LAMA2: variants seen among roughly 807,000 people sequenced by gnomAD.
LAMA2 encodes laminin subunit alpha 2.
In LAMA2, 269 loss-of-function variants were observed where a neutral mutation model predicts 364.8. That is an observed-to-expected ratio of 0.74 (90% CI 0.67 to 0.82). The LOEUF (loss-of-function observed/expected upper bound fraction) is 0.82. Ranked by LOEUF, LAMA2 falls within the 40% of genes least tolerant of loss-of-function variation. The pLI is 0.00. For missense variants in LAMA2, 3,807 were observed against 3,873.2 expected (o/e 0.98, Z 0.45); for synonymous variants, 1,379 against 1,370.6 (o/e 1.01, Z -0.14).
intron 56 of LAMA2, 111 bp downstream of exon 56, chr6:129,486,733 A>G (rs1301775609): frequency 2.1e-6 from 2 of 974,066 alleles, no homozygotes; most frequent in East Asian, 4.9e-5. Flanking sequence ...CCTACTATGC[A>G]TTGCAAAAGG....
At chr6:128,947,459 A>G (rs1780549459) in intron 1 of LAMA2, among the ~76,000 whole-genome samples, 1 of 152,174 alleles carries the variant, frequency 6.6e-6, no homozygotes, top group African/African-American at 2.4e-5. Context: ...CACATTTTTA[A>G]CTTGTATATT....
In LAMA2 at chr6:129,013,343, A is replaced by G. The variant is rs1582871670; in HGVS notation, c.113-36575A>G. Among the ~76,000 whole-genome samples, 3 of 152,044 alleles carry G rather than the reference A, an allele frequency of 2.0e-5. No homozygotes were observed. The East Asian group carries it at 5.8e-4, about 29-fold the overall frequency. ...TCCCAGCTACTCGGGAGGCTGAGGC[A>G]GGAGAATGGCGGGAACCCGGGAGGC... On this transcript the variant is annotated intron_variant, in intron 1 of 64. Coordinates refer to ENST00000421865, the MANE Select transcript of LAMA2 (RefSeq NM_000426.4).
intron 4 of LAMA2, among the ~76,000 whole-genome samples, chr6:129,103,214 C>T (rs1775615249): frequency 1.3e-5 from 2 of 152,178 alleles, no homozygotes; most frequent in African/African-American, 4.8e-5. Context: ...TCCAGTTTGT[C>T]TAGTTGTTGT....
chr6:129,342,396 C>G lies in LAMA2; in HGVS notation c.4365C>G (p.Tyr1455Ter). ...TCTGTGAACGATGTGCTCTTGGATA[C>G]TATGGAATTGTCAAGGGATTGCCAA... ...GDFCERCALG[Y>*]YGIVKGLPND... Residue 1455 changes from tyrosine to a stop codon, truncating the protein, a stop_gained, in exon 30 of 65, where the codon TAC becomes TAG. Coordinates refer to ENST00000421865, the MANE Select transcript of LAMA2 (RefSeq NM_000426.4). LOFTEE classifies it high-confidence loss of function. 3.1e-6 allele frequency: 5 copies of G among 1,613,310 alleles called. No homozygotes were observed. The highest frequency in any genetic ancestry group is 4.2e-6 in the Non-Finnish European group (5 of 1,179,332).
chr6:129,058,058 A>T (rs3813368), intron 2 of LAMA2, among the ~76,000 whole-genome samples: 39,834 of 152,058 alleles, frequency 0.26, 5,369 homozygotes, highest in African/African-American at 0.31. Context: ...AAATGTGCCG[A>T]CTTTCTAGTG....
intron 1 of LAMA2, among the ~76,000 whole-genome samples, chr6:129,018,200 T>C (rs1208364860): frequency 6.6e-6 from 1 of 152,030 alleles, no homozygotes; most frequent in East Asian, 1.9e-4. Flanking sequence ...ACTGTCTTTT[T>C]AGGAAACAAA....
At chr6:129,415,888 A>G (rs1007857989) in intron 40 of LAMA2, among the ~76,000 whole-genome samples, 1 of 152,070 alleles carries the variant, frequency 6.6e-6, no homozygotes, top group Non-Finnish European at 1.5e-5. Context: ...TGGCTAGGAA[A>G]GAGTGCCAAC....
chr6:129,416,011 G>C (rs1239004236), intron 40 of LAMA2, among the ~76,000 whole-genome samples: 2 of 37,698 alleles, frequency 5.3e-5, no homozygotes, highest in Non-Finnish European at 9.8e-5. Context: ...TGCAGTGGCG[G>C]GATCTCGGCT....
intron 12 of LAMA2, among the ~76,000 whole-genome samples, chr6:129,225,125 G>A (rs907695551): frequency 6.6e-6 from 1 of 152,160 alleles, no homozygotes; most frequent in African/African-American, 2.4e-5. Flanking sequence ...TTGCATAGAG[G>A]TGTTTATAGT....
intron 9 of LAMA2, 51 bp downstream of exon 9, chr6:129,165,726 C>G (rs756483380): frequency 1.1e-5 from 12 of 1,045,000 alleles, no homozygotes; most frequent in Non-Finnish European, 1.8e-5. Context: ...CAACTAAAAG[C>G]CAAATATGAT....
At position 129,427,989 on chromosome 6, in the gene LAMA2, TA is replaced by T. The variant is rs1781408671; in HGVS notation, c.5968+138del. 4 of 692,516 alleles carry T rather than the reference TA, an allele frequency of 5.8e-6. No individual in the cohort carries two copies. In the South Asian group the frequency reaches 6.5e-5, roughly 11 times the overall value. 42.9% of individuals were successfully genotyped at this position (692,516 alleles called of 1,614,324 possible). A position where few individuals can be genotyped will look rare whatever the true frequency, so the allele number is the denominator to read the frequency against. On this transcript the variant is annotated intron_variant, in intron 41 of 64. Coordinates refer to ENST00000421865, the MANE Select transcript of LAMA2 (RefSeq NM_000426.4). Reference sequence around the variant, plus strand: ...GATTCTATAATCTATTTAATGCAAGTAAACTTTCTCACTAGTTTTACAAAAT... The same window carrying T: ...GATTCTATAATCTATTTAATGCAAGTAACTTTCTCACTAGTTTTACAAAAT...
At chr6:129,038,341 CTG>C (rs1786814389) in intron 1 of LAMA2, among the ~76,000 whole-genome samples, 1 of 152,182 alleles carries the variant, frequency 6.6e-6, no homozygotes, top group East Asian at 1.9e-4. Flanking sequence ...TATCTTCACT[CTG>C]TGTGTGAGTC....
chr6:128,988,893 G>A (rs1177818302), intron 1 of LAMA2, among the ~76,000 whole-genome samples: 1 of 152,116 alleles, frequency 6.6e-6, no homozygotes, highest in East Asian at 1.9e-4. Flanking sequence ...TTCCTGGAAA[G>A]TTAAATGGAA....
At chr6:129,045,652 G>C (rs1302387911) in intron 1 of LAMA2, among the ~76,000 whole-genome samples, 1 of 152,150 alleles carries the variant, frequency 6.6e-6, no homozygotes, top group African/African-American at 2.4e-5. Flanking sequence ...CTTTGTAGCT[G>C]TATGCTTTTG....
intron 4 of LAMA2, among the ~76,000 whole-genome samples, chr6:129,121,268 A>G (rs1437618944): frequency 2.0e-5 from 3 of 152,188 alleles, no homozygotes; most frequent in Admixed American, 1.3e-4. Context: ...TAGACTTTCT[A>G]AATTGGGAGA....
At position 129,287,901 on chromosome 6, in the gene LAMA2, A is replaced by G. The variant is rs1789391002; in HGVS notation, c.2592A>G (p.Pro864=). 12 of 1,613,988 alleles carry G rather than the reference A, an allele frequency of 7.4e-6. No homozygotes were observed. Among genetic ancestry groups the G allele is most frequent in the Admixed American group, 1.7e-5 (1 of 60,004 alleles). Residue 864 remains proline (P), a synonymous_variant, in exon 19 of 65, where the codon CCA becomes CCG. Transcript: ENST00000421865. The part of the protein sequence containing the change: ...QPSVPGGSCQ[P]CQCNDNLDFS... ...CTGTACCTGGAGGATCATGTCAGCC[A>G]TGCCAATGCAATGACAACCTTGACT...
intron 1 of LAMA2, among the ~76,000 whole-genome samples, chr6:128,948,146 T>C (rs960940805): frequency 7.9e-5 from 12 of 151,820 alleles, no homozygotes; most frequent in Admixed American, 5.9e-4. Flanking sequence ...ATAGGGGTGG[T>C]CTTGGGGAGG....
At chr6:129,302,797 C>T (rs1773627343) in intron 22 of LAMA2, among the ~76,000 whole-genome samples, 1 of 151,964 alleles carries the variant, frequency 6.6e-6, no homozygotes, top group Non-Finnish European at 1.5e-5. Flanking sequence ...CATTTCTGGA[C>T]TCTTTTCTGC....
Position 129,289,738 on chromosome 6 carries a change from G to T in LAMA2, c.2749+1680G>T, listed in dbSNP as rs577665023. Among the ~76,000 whole-genome samples the T allele has an allele frequency of 2.4e-3, 371 of 151,912 alleles. 1 individual carries two copies. The highest frequency in any genetic ancestry group is 0.017 in the South Asian group (81 of 4,802). On this transcript the variant is annotated intron_variant, in intron 19 of 64. Transcript: ENST00000421865. ...ATGGTAATTTATTATGGGATCCATG[G>T]CATGAAGTCTTAAGAACATAAAAAA...
Sources: allele counts gnomAD v4.1 joint callset (sites outside exome capture counted in the v4.1 genomes callset), GRCh38; gene constraint gnomAD v4.1.1; transcripts MANE v1.5; gene names NCBI Gene and HGNC (gene_info 2026-07-23, HGNC 2026-07-21).